ZNF226: variants seen among roughly 807,000 people sequenced by gnomAD.
ZNF226 encodes zinc finger protein 226, also known as Kruppel-associated box protein.
Under a neutral mutation model 11.4 loss-of-function variants are expected in ZNF226, and 6 were observed. The observed-to-expected ratio is 0.53, with a 90% CI of 0.29 to 1.04. The LOEUF (loss-of-function observed/expected upper bound fraction) is 1.04. ZNF226 is among the 50% of genes least tolerant of loss of function. The probability of loss-of-function intolerance (pLI) is 0.08; values close to 1 mark genes in which losing one functional copy is unlikely to be tolerated. For synonymous variants in ZNF226, 350 were observed against 322.8 expected (o/e 1.08, Z -0.90); for missense variants, 1,058 against 956.5 (o/e 1.11, Z -1.40).
chr19:44,165,684 GGAGATGCCACTGT>G (rs1969286782), intron 1 of ZNF226, 60 bp from the exon 2 acceptor site: 1 of 152,144 alleles, frequency 6.6e-6, no homozygotes, highest in African/African-American at 2.4e-5. Context: ...ACTGGTCCTG[GGAGATGCCACTGT>G]GATGTATCCG....
intron 5 of ZNF226, chr19:44,174,946 C>A: frequency 6.3e-7 from 1 of 1,591,788 alleles, no homozygotes; most frequent in South Asian, 1.1e-5. Flanking sequence ...TTCAACTTTG[C>A]AGCAAAACTG....
chr19:44,165,567 A>T (rs1462242172), intron 1 of ZNF226, 190 bp from the exon 2 acceptor site: 1 of 152,226 alleles, frequency 6.6e-6, no homozygotes, highest in Non-Finnish European at 1.5e-5. Flanking sequence ...TGAATTACCA[A>T]TACTACTGTA....
At chr19:44,184,929 C>A in the ZNF226 span, among the ~76,000 whole-genome samples, 1 of 152,216 alleles carries the variant, frequency 6.6e-6, no homozygotes, top group African/African-American at 2.4e-5. Flanking sequence ...TTTCCTCCCC[C>A]CTCCTCCCAG....
Position 44,177,143 on chromosome 19 carries a change from C to G in ZNF226, c.1881C>G (p.Ala627=), listed in dbSNP as rs762553597. ...CEECGKVFRQ[A]SNLLAHQRVH... ...AGTGTGGGAAGGTCTTCAGGCAGGCCTCAAATCTTTTGGCCCATCAGAGAG... is the reference window on the plus strand; with the variant it reads ...AGTGTGGGAAGGTCTTCAGGCAGGCGTCAAATCTTTTGGCCCATCAGAGAG... The change falls in exon 6 of 6, where the codon GCC becomes GCG. Residue 627 remains alanine, a synonymous_variant. Coordinates refer to ENST00000337433, the MANE Select transcript of ZNF226 (RefSeq NM_001032373.2). The G allele has an allele frequency of 2.8e-5, 45 of 1,609,734 alleles. No individual in the cohort carries two copies. The highest frequency in any genetic ancestry group is 2.5e-4 in the Admixed American group (15 of 59,638).
At position 44,168,915 on chromosome 19, in the gene ZNF226, T is replaced by C. The variant is rs376351113; in HGVS notation, c.-46-1120T>C. Among the ~76,000 whole-genome samples, 5 of 152,130 alleles carry C rather than the reference T, an allele frequency of 3.3e-5. No homozygotes were observed. The East Asian group carries it at 9.6e-4, about 29-fold the overall frequency. On this transcript the variant is annotated intron_variant, in intron 2 of 5. Transcript: ENST00000337433. ...ACCTTTATTAGTTTATGTGTTCTAC[T>C]ATAGGAGCTTTCTTTTGTCACCCAT...
chr19:44,172,055 T>A (rs548639147), intron 3 of ZNF226, 33 bp from the exon 4 acceptor site: 2 of 1,601,164 alleles, frequency 1.2e-6, no homozygotes, highest in African/African-American at 1.3e-5. Context: ...TGGACATTGG[T>A]TGTAAGATTG....
At chr19:44,188,427 C>T in the ZNF226 span, among the ~76,000 whole-genome samples, 8 of 152,226 alleles carry the variant, frequency 5.3e-5, no homozygotes, top group African/African-American at 1.7e-4. Context: ...TGAATATGTA[C>T]CAACTTTTTT....
At chr19:44,167,097 C>A (rs577152640) in intron 2 of ZNF226, among the ~76,000 whole-genome samples, 1 of 152,122 alleles carries the variant, frequency 6.6e-6, no homozygotes, top group Admixed American at 6.5e-5. Flanking sequence ...GCTGTCAAGT[C>A]TAGAGTCAAA....
At position 44,176,265 on chromosome 19, in the gene ZNF226, T is replaced by G. The variant is rs374936545; in HGVS notation, c.1003T>G (p.Tyr335Asp). The change falls in exon 6 of 6, where the codon TAC becomes GAC. Residue 335 changes from tyrosine to aspartate, a missense_variant. Coordinates refer to ENST00000337433, the MANE Select transcript of ZNF226 (RefSeq NM_001032373.2). ...HQKVHVIEKP[Y>D]KCKQCGKGFS... The stretch of plus-strand genomic sequence containing the variant: ...GAAAGTCCACGTGATAGAGAAACCA[T>G]ACAAATGTAAGCAATGTGGGAAAGG... The G allele has an allele frequency of 1.7e-5, 27 of 1,614,048 alleles. No individual in the cohort carries two copies. The highest frequency in any genetic ancestry group is 2.1e-5 in the Non-Finnish European group (25 of 1,180,036).
chr19:44,180,940 AG>A (rs1970898005), downstream of ZNF226, among the ~76,000 whole-genome samples: 1 of 152,130 alleles, frequency 6.6e-6, no homozygotes, highest in Non-Finnish European at 1.5e-5. Context: ...CTTTTCAGTC[AG>A]TGGAAGGGAG....
rs570165719 is a variant in ZNF226 at position 44,176,155 on chromosome 19, A to G, written c.893A>G (p.His298Arg). The change falls in exon 6 of 6, where the codon CAT (histidine) becomes CGT (arginine). Residue 298 changes from histidine (H) to arginine (R), a missense_variant. Transcript: ENST00000337433. ...TGTTACAGCCCAGTTCTTCCTGTTC[A>G]TCAGAAAGTACATGTGGGAGAAAAA... ...GFCYSPVLPV[H>R]QKVHVGEKLK... is the part of the protein sequence containing the mutation. 6.2e-7 allele frequency: 1 copy of G among 1,614,178 alleles called. No individual in the cohort carries two copies. The highest frequency in any genetic ancestry group is 1.3e-5 in the African/African-American group (1 of 75,060).
In ZNF226 at chr19:44,174,898, A is replaced by T. The variant is rs774280375; in HGVS notation, c.236-600A>T. The T allele has an allele frequency of 4.8e-5, 62 of 1,281,378 alleles. 1 individual carries two copies. The highest frequency in any genetic ancestry group is 1.1e-6 in the Non-Finnish European group (1 of 915,374). The allele number at this position is 1,281,378 out of a possible 1,614,324, so 79.4% of individuals were successfully genotyped here. ...TCAACTTTGATTTTTCTCTTCAGCA[A>T]TAACTCACTTGGTGTACCCCTACCT... On this transcript the variant is annotated intron_variant, in intron 5 of 5. Coordinates refer to ENST00000337433, the MANE Select transcript of ZNF226 (RefSeq NM_001032373.2).
At chr19:44,166,547 T>C (rs1158168054) in intron 2 of ZNF226, among the ~76,000 whole-genome samples, 1 of 152,208 alleles carries the variant, frequency 6.6e-6, no homozygotes, top group Non-Finnish European at 1.5e-5. Flanking sequence ...TTATTAGTTT[T>C]ATTTGTTTCA....
downstream of ZNF226, chr19:44,178,235 A>G (rs149572618): frequency 2.0e-5 from 3 of 153,556 alleles, no homozygotes; most frequent in African/African-American, 4.8e-5. Flanking sequence ...GTTGGGTCCT[A>G]TCTTCCCAGA....
intron 2 of ZNF226, among the ~76,000 whole-genome samples, chr19:44,168,276 A>T (rs1261232235): frequency 3.3e-5 from 5 of 151,290 alleles, no homozygotes; most frequent in Non-Finnish European, 4.4e-5. Flanking sequence ...TGCTTTCACA[A>T]CTTTGTCATA....
chr19:44,190,775 C>G, the ZNF226 span, among the ~76,000 whole-genome samples: 2 of 152,108 alleles, frequency 1.3e-5, no homozygotes, highest in Non-Finnish European at 2.9e-5. Flanking sequence ...TTAACTGTAT[C>G]ATGTTACAAG....
intron 2 of ZNF226, among the ~76,000 whole-genome samples, chr19:44,169,358 GT>G (rs1969803801): frequency 6.6e-6 from 1 of 152,058 alleles, no homozygotes; most frequent in African/African-American, 2.4e-5. Context: ...GTCAAACGGT[GT>G]TTTTTAATTG....
chr19:44,171,989 A>G (rs573978209), intron 3 of ZNF226, 99 bp from the exon 4 acceptor site: 2 of 1,506,296 alleles, frequency 1.3e-6, no homozygotes, highest in Admixed American at 3.6e-5. Context: ...AAATCTACAA[A>G]CGGCTGGGCA....
intron 2 of ZNF226, chr19:44,167,674 C>T (rs985823339): frequency 6.6e-6 from 1 of 152,038 alleles, no homozygotes; most frequent in South Asian, 2.1e-4. Flanking sequence ...AAAATGATAA[C>T]GTAAGGAAAT....
Sources: allele counts gnomAD v4.1 joint callset (sites outside exome capture counted in the v4.1 genomes callset), GRCh38; gene constraint gnomAD v4.1.1; transcripts MANE v1.5; gene names NCBI Gene and HGNC (gene_info 2026-07-23, HGNC 2026-07-21).